Variants in RSRC1 observed in about 807,000 individuals in gnomAD.
RSRC1 encodes serine/Arginine-related protein 53.
In RSRC1, 39 loss-of-function variants were observed where a neutral mutation model predicts 49.1. The observed-to-expected ratio is 0.79, with a 90% CI of 0.61 to 1.04. The LOEUF (loss-of-function observed/expected upper bound fraction) is 1.04. Ranked by LOEUF, RSRC1 falls within the 50% of genes least tolerant of loss-of-function variation. The pLI is 0.00. For synonymous variants in RSRC1, 143 were observed against 130.8 expected (o/e 1.09, Z -0.63); for missense variants, 388 against 402.4 (o/e 0.96, Z 0.31).
At chr3:158,346,281 C>T (rs1485714913) in intron 5 of RSRC1, among the ~76,000 whole-genome samples, 1 of 152,110 alleles carries the variant, frequency 6.6e-6, no homozygotes, top group East Asian at 1.9e-4. Flanking sequence ...CACTGCACTA[C>T]AGCCTGGATG....
intron 5 of RSRC1, among the ~76,000 whole-genome samples, chr3:158,337,451 G>A (rs1385459040): frequency 1.3e-5 from 2 of 152,180 alleles, no homozygotes; most frequent in Admixed American, 6.5e-5. Flanking sequence ...CTGTGTGGGC[G>A]CATGGCCCTT....
At chr3:158,442,170 G>A (rs184253291) in intron 6 of RSRC1, among the ~76,000 whole-genome samples, 281 of 152,136 alleles carry the variant, frequency 1.8e-3, no homozygotes, top group South Asian at 7.9e-3. Context: ...TGAGGGTGGC[G>A]GTTGCTGAAG....
At chr3:158,453,232 T>TCTG (rs1322900488) in intron 6 of RSRC1, among the ~76,000 whole-genome samples, 8 of 151,794 alleles carry the variant, frequency 5.3e-5, no homozygotes, top group African/African-American at 1.9e-4. Flanking sequence ...CAAACTCTTG[T>TCTG]GCACACATTT....
chr3:158,257,347 T>G (rs1724623697), intron 4 of RSRC1, among the ~76,000 whole-genome samples: 1 of 151,978 alleles, frequency 6.6e-6, no homozygotes, highest in Non-Finnish European at 1.5e-5. Context: ...ATATGTTTAT[T>G]TATAATTGCT....
chr3:158,270,499 T>A (rs933401752), intron 4 of RSRC1, among the ~76,000 whole-genome samples: 1 of 152,224 alleles, frequency 6.6e-6, no homozygotes, highest in South Asian at 2.1e-4. Context: ...AGATTGGTTT[T>A]ACATATTGTA....
intron 3 of RSRC1, chr3:158,136,818 A>G (rs533040338): frequency 2.0e-5 from 3 of 152,208 alleles, no homozygotes; most frequent in Non-Finnish European, 2.9e-5. Context: ...AAAACTGGGC[A>G]ACATTGTTCT....
chr3:158,293,446 T>A (rs1468351489), intron 4 of RSRC1, among the ~76,000 whole-genome samples: 1 of 152,106 alleles, frequency 6.6e-6, no homozygotes, highest in East Asian at 1.9e-4. Context: ...TTCTGAATCA[T>A]TTTGTATTAT....
intron 5 of RSRC1, among the ~76,000 whole-genome samples, chr3:158,323,342 G>A: frequency 6.6e-6 from 1 of 152,076 alleles, no homozygotes; most frequent in East Asian, 1.9e-4. Context: ...AATGATTTGG[G>A]CAGAGGTCAC....
chr3:158,474,514 A>C (rs1738283421), intron 7 of RSRC1, among the ~76,000 whole-genome samples: 1 of 152,200 alleles, frequency 6.6e-6, no homozygotes, highest in Non-Finnish European at 1.5e-5. Flanking sequence ...ATTTTAAATA[A>C]GACAACAATG....
In RSRC1 at chr3:158,278,672, G is replaced by A. The variant is rs79329618; in HGVS notation, c.495-19367G>A. On this transcript the variant is annotated intron_variant, in intron 4 of 9. Transcript: ENST00000611884. ...GTTTGAACAACTGTTCTTGCTAAAA[G>A]TCTAATAGTTTTTAAGCAAGTTTAT... is the stretch of plus-strand genomic sequence containing the variant. Among the ~76,000 whole-genome samples the A allele has an allele frequency of 1.3e-4, 20 of 152,272 alleles. 1 individual carries two copies. The East Asian group carries it at 3.9e-3, about 29-fold the overall frequency.
chr3:158,453,886 CT>C (rs1184680242), intron 6 of RSRC1, among the ~76,000 whole-genome samples: 2 of 151,988 alleles, frequency 1.3e-5, no homozygotes, highest in African/African-American at 4.8e-5. Flanking sequence ...TTATTACAGT[CT>C]TTTTTTCCTT....
At chr3:158,266,850 G>T (rs947145360) in intron 4 of RSRC1, among the ~76,000 whole-genome samples, 1 of 151,702 alleles carries the variant, frequency 6.6e-6, no homozygotes, top group Admixed American at 6.6e-5. Context: ...TGCAGCCTCC[G>T]CCTCCTGGGC....
intron 3 of RSRC1, among the ~76,000 whole-genome samples, chr3:158,194,054 T>C (rs972039479): frequency 3.5e-5 from 5 of 144,076 alleles, no homozygotes; most frequent in African/African-American, 1.3e-4. Context: ...ACCCCGTCTA[T>C]ACACACACAC....
chr3:158,400,711 A>G (rs1355914536), intron 6 of RSRC1, among the ~76,000 whole-genome samples: 3 of 152,136 alleles, frequency 2.0e-5, no homozygotes, highest in Non-Finnish European at 4.4e-5. Context: ...TGAAGAAAGA[A>G]AATATTTTTG....
At chr3:158,165,303 G>T (rs912959316) in intron 3 of RSRC1, among the ~76,000 whole-genome samples, 3 of 152,186 alleles carry the variant, frequency 2.0e-5, no homozygotes, top group Admixed American at 6.5e-5. Context: ...GATGAGCAAG[G>T]CTTTGTGATA....
chr3:158,519,012 C>CT (rs1038986502), intron 7 of RSRC1, among the ~76,000 whole-genome samples: 7 of 151,344 alleles, frequency 4.6e-5, no homozygotes, highest in Non-Finnish European at 8.8e-5. Context: ...GACTTGAAGA[C>CT]TTTTTTTTTG....
At chr3:158,532,679 T>G (rs973738377) in intron 7 of RSRC1, among the ~76,000 whole-genome samples, 1 of 151,852 alleles carries the variant, frequency 6.6e-6, no homozygotes, top group African/African-American at 2.4e-5. Context: ...GTCTATTATT[T>G]TTTATTTTAC....
Position 158,242,494 on chromosome 3 carries a change from A to AT in RSRC1, c.494+39250dup, listed in dbSNP as rs528967736. 2.0e-4 allele frequency among the ~76,000 whole-genome samples: 30 copies of AT among 152,290 alleles called. 1 individual carries two copies. The South Asian group carries it at 6.2e-3, about 32-fold the overall frequency. ...GGATTTCATGTCTTTGCTATTGTGA[A>AT]TAATGCTGTAATGAACACACGTGTG... On this transcript the variant is annotated intron_variant, in intron 4 of 9. Transcript: ENST00000611884.
At chr3:158,457,436 G>A (rs182566313) in intron 6 of RSRC1, among the ~76,000 whole-genome samples, 1 of 152,268 alleles carries the variant, frequency 6.6e-6, no homozygotes, top group Non-Finnish European at 1.5e-5. Flanking sequence ...TAGATTGTGA[G>A]TTCAACTGTG....
Sources: gnomAD v4.1 joint callset for allele counts (sites outside exome capture counted in the v4.1 genomes callset) on GRCh38, gnomAD v4.1.1 for gene constraint, MANE v1.5 for transcripts, NCBI Gene and HGNC (gene_info 2026-07-23, HGNC 2026-07-21) for gene names.